ASPRV1: variants seen among roughly 807,000 people sequenced by gnomAD.
The protein encoded by ASPRV1 is retroviral-like aspartic protease 1.
In ASPRV1, 7 loss-of-function variants were observed where a neutral mutation model predicts 11.0. The observed-to-expected ratio is 0.64, with a 90% CI of 0.36 to 1.20. The LOEUF is 1.20. Among genes scored for constraint, ASPRV1 ranks in the 50% most tolerant of loss-of-function variants. The pLI, the probability that ASPRV1 is intolerant of heterozygous loss-of-function variation, is 0.02. For synonymous variants in ASPRV1, 136 were observed against 138.4 expected (o/e 0.98, Z 0.12); for missense variants, 299 against 320.0 (o/e 0.93, Z 0.50).
chr2:69,993,867 A>C, the ASPRV1 span: 3 of 152,220 alleles, frequency 2.0e-5, no homozygotes, highest in Admixed American at 6.5e-5. Context: ...ACCTTCCACC[A>C]GCCACCCTTC....
At chr2:69,986,473 A>G in the ASPRV1 span, among the ~76,000 whole-genome samples, 1 of 152,328 alleles carries the variant, frequency 6.6e-6, no homozygotes, top group African/African-American at 2.4e-5. Flanking sequence ...CAGCACATCC[A>G]TGTGGGAACA....
the ASPRV1 span, among the ~76,000 whole-genome samples, chr2:70,016,927 A>G: frequency 6.6e-6 from 1 of 152,192 alleles, no homozygotes; most frequent in African/African-American, 2.4e-5. Context: ...AGGATGGTTC[A>G]ACATATACAA....
At chr2:70,031,347 T>C in the ASPRV1 span, 1 of 152,166 alleles carries the variant, frequency 6.6e-6, no homozygotes, top group South Asian at 2.1e-4. Flanking sequence ...TTAAAACTCT[T>C]CTGGCTGCAG....
chr2:69,985,059 T>A, the ASPRV1 span, among the ~76,000 whole-genome samples: 2 of 152,172 alleles, frequency 1.3e-5, no homozygotes, highest in Non-Finnish European at 2.9e-5. Flanking sequence ...GGTTTCACTG[T>A]GTTAGCCAGG....
At chr2:69,992,745 G>A in the ASPRV1 span, among the ~76,000 whole-genome samples, 1 of 152,048 alleles carries the variant, frequency 6.6e-6, no homozygotes, top group Non-Finnish European at 1.5e-5. Flanking sequence ...GTTATTTTAG[G>A]TTATTATTGT....
the ASPRV1 span, chr2:69,940,089 T>C: frequency 6.9e-6 from 1 of 145,622 alleles, no homozygotes; most frequent in African/African-American, 2.5e-5. Context: ...GTTTTTGTTT[T>C]GTTCTGTCTT....
At chr2:70,073,480 T>C in the ASPRV1 span, among the ~76,000 whole-genome samples, 2 of 152,208 alleles carry the variant, frequency 1.3e-5, no homozygotes, top group Admixed American at 6.6e-5. Flanking sequence ...AGTACCTATT[T>C]TGTAAGATTA....
At chr2:69,951,132 T>C in the ASPRV1 span, among the ~76,000 whole-genome samples, 1 of 151,840 alleles carries the variant, frequency 6.6e-6, no homozygotes, top group African/African-American at 2.4e-5. Flanking sequence ...ATATAAAATA[T>C]GCGAGTGTGT....
chr2:69,948,009 T>C, the ASPRV1 span, among the ~76,000 whole-genome samples: 3 of 151,538 alleles, frequency 2.0e-5, no homozygotes, highest in African/African-American at 7.3e-5. Context: ...AGTGGTTCTA[T>C]GGAACTAGCT....
chr2:70,032,009 T>C, the ASPRV1 span: 1 of 152,150 alleles, frequency 6.6e-6, no homozygotes, highest in Admixed American at 6.5e-5. Context: ...TTTGGAACCA[T>C]GCCCACGTCA....
chr2:69,937,207 G>A, the ASPRV1 span: 3 of 1,610,894 alleles, frequency 1.9e-6, no homozygotes, highest in Admixed American at 1.7e-5. Flanking sequence ...TCCCTGTGGG[G>A]CCCAACAACT....
the ASPRV1 span, among the ~76,000 whole-genome samples, chr2:70,059,256 CTTTTTT>C: frequency 3.6e-5 from 4 of 112,226 alleles, no homozygotes; most frequent in Non-Finnish European, 5.9e-5. Context: ...GATTGGTTTT[CTTTTTT>C]TTTTTTTTTT....
the ASPRV1 span, chr2:69,938,970 C>T: frequency 4.5e-4 from 68 of 152,700 alleles, no homozygotes; most frequent in African/African-American, 1.5e-3. Flanking sequence ...ACAAACAAAA[C>T]GGTACAATCT....
At chr2:70,046,421 T>G in the ASPRV1 span, 1 of 152,134 alleles carries the variant, frequency 6.6e-6, no homozygotes, top group African/African-American at 2.4e-5. Flanking sequence ...GGAAGGAGGA[T>G]CACAGAGAAA....
chr2:70,007,773 G>A, the ASPRV1 span, among the ~76,000 whole-genome samples: 3 of 152,044 alleles, frequency 2.0e-5, no homozygotes, highest in African/African-American at 7.2e-5. Flanking sequence ...GGGACTGGAG[G>A]ACCAGGGAAC....
At chr2:69,949,538 A>G in the ASPRV1 span, among the ~76,000 whole-genome samples, 6 of 152,232 alleles carry the variant, frequency 3.9e-5, no homozygotes, top group Non-Finnish European at 8.8e-5. Context: ...GCAATTGGAC[A>G]GAAAACAATT....
chr2:69,953,764 G>C, the ASPRV1 span, among the ~76,000 whole-genome samples: 1 of 151,874 alleles, frequency 6.6e-6, no homozygotes, highest in South Asian at 2.1e-4. Context: ...CTGAAGTGCA[G>C]TGGCACCATC....
At chr2:69,977,727 A>G in the ASPRV1 span, among the ~76,000 whole-genome samples, 1 of 152,198 alleles carries the variant, frequency 6.6e-6, no homozygotes, top group African/African-American at 2.4e-5. Context: ...TTCTGGTTTC[A>G]GCTAAGATTT....
the ASPRV1 span, among the ~76,000 whole-genome samples, chr2:70,011,050 T>C: frequency 6.6e-6 from 1 of 151,940 alleles, no homozygotes. Flanking sequence ...AAGTGGGAGC[T>C]AAATGATGAG....
Sources: gnomAD v4.1 joint callset for allele counts (sites outside exome capture counted in the v4.1 genomes callset) on GRCh38, gnomAD v4.1.1 for gene constraint, MANE v1.5 for transcripts, NCBI Gene and HGNC (gene_info 2026-07-23, HGNC 2026-07-21) for gene names.